KCNK5: variants seen among roughly 807,000 people sequenced by gnomAD.
KCNK5 encodes the protein potassium channel subfamily K member 5.
Under a neutral mutation model 32.9 loss-of-function variants are expected in KCNK5, and 18 were observed. The observed-to-expected ratio is 0.55, with a 90% CI of 0.38 to 0.81. KCNK5 has a LOEUF of 0.81. Ranked by LOEUF, KCNK5 falls within the 30% of genes least tolerant of loss-of-function variation. KCNK5 has a pLI of 0.00. For missense variants in KCNK5, 507 were observed against 651.0 expected (o/e 0.78, Z 2.41); for synonymous variants, 276 against 275.3 (o/e 1.00, Z -0.03).
chr6:39,229,222 C>A lies in KCNK5; in HGVS notation c.-111G>T. On this transcript the variant is annotated 5_prime_UTR_variant, in exon 1 of 5. Coordinates refer to ENST00000359534, the MANE Select transcript of KCNK5 (RefSeq NM_003740.4). ...CTGTTTGAATTTGGAGCTCCGCATG[C>A]GCAGTGCCCGGTACTCACCCCCCGC... is the stretch of plus-strand genomic sequence containing the variant. 3 of 1,098,940 alleles carry A rather than the reference C, an allele frequency of 2.7e-6. No individual in the cohort carries two copies. In the South Asian group the frequency reaches 4.5e-5, roughly 16 times the overall value. 68.1% of individuals were successfully genotyped at this position (1,098,940 alleles called of 1,614,324 possible).
chr6:39,207,106 C>A (rs184022924), intron 1 of KCNK5, among the ~76,000 whole-genome samples: 2 of 152,316 alleles, frequency 1.3e-5, no homozygotes, highest in African/African-American at 2.4e-5. Flanking sequence ...AGTTCACCCC[C>A]CTGTGCCTTT....
intron 1 of KCNK5, among the ~76,000 whole-genome samples, chr6:39,216,005 G>A (rs575355727): frequency 2.6e-5 from 4 of 152,330 alleles, no homozygotes; most frequent in South Asian, 4.1e-4. Flanking sequence ...ATATGGGGCC[G>A]GGCGTGGTGG....
chr6:39,225,255 CT>C (rs1207974320), intron 1 of KCNK5, among the ~76,000 whole-genome samples: 1 of 152,162 alleles, frequency 6.6e-6, no homozygotes, highest in Non-Finnish European at 1.5e-5. Flanking sequence ...TTAATAAATG[CT>C]TGCTAATTTC....
chr6:39,212,543 C>A (rs1424921022), intron 1 of KCNK5, among the ~76,000 whole-genome samples: 2 of 152,168 alleles, frequency 1.3e-5, no homozygotes, highest in Admixed American at 6.5e-5. Context: ...CTTGCCTGTG[C>A]TTGTGTTTTT....
Position 39,190,139 on chromosome 6 carries a change from C to G in KCNK5, c.*751G>C, listed in dbSNP as rs947484644. 1 of 152,474 alleles carries G rather than the reference C, an allele frequency of 6.6e-6. No homozygotes were observed. The highest frequency in any genetic ancestry group is 1.5e-5 in the Non-Finnish European group (1 of 68,312). The allele number at this position is 152,474 out of a possible 1,614,324, so 9.4% of individuals were successfully genotyped here. A position where few individuals can be genotyped will look rare whatever the true frequency, so the allele number is the denominator to read the frequency against. On this transcript the variant is annotated 3_prime_UTR_variant, in exon 5 of 5. Coordinates refer to ENST00000359534, the MANE Select transcript of KCNK5 (RefSeq NM_003740.4). ...ACTCTCCCTCCTACCACTTGGGGGC[C>G]CACAGAAAGCCTTGCGTCTGCCACT...
chr6:39,212,765 T>C (rs767461200), intron 1 of KCNK5, among the ~76,000 whole-genome samples: 3 of 152,178 alleles, frequency 2.0e-5, no homozygotes, highest in Non-Finnish European at 4.4e-5. Flanking sequence ...TTGGTGACTC[T>C]CTGTCCTGGT....
intron 1 of KCNK5, among the ~76,000 whole-genome samples, chr6:39,209,659 C>T (rs900955848): frequency 2.0e-5 from 3 of 152,174 alleles, no homozygotes; most frequent in Non-Finnish European, 2.9e-5. Context: ...GCAGAAGGAA[C>T]GAGGGCCATG....
At position 39,194,116 on chromosome 6, in the gene KCNK5, C is replaced by T; in HGVS notation, c.634+53G>A. 6.2e-7 allele frequency: 1 copy of T among 1,602,080 alleles called. No individual in the cohort carries two copies. The highest frequency in any genetic ancestry group is 8.6e-7 in the Non-Finnish European group (1 of 1,169,440). ...GGGCACCCCCAACATAGGTCTGTTGCACTGAAACCAAAGAAGCAGAAAAAG... is the reference window on the plus strand; with the variant it reads ...GGGCACCCCCAACATAGGTCTGTTGTACTGAAACCAAAGAAGCAGAAAAAG... On this transcript the variant is annotated intron_variant, in intron 4 of 4. Transcript: ENST00000359534. The surrounding 1 kb of genome is among the most constrained non-coding windows in gnomAD (Gnocchi z 4.7).
In KCNK5 at chr6:39,189,531, A is replaced by G. The variant is rs951081031; in HGVS notation, c.*1359T>C. 1 of 152,662 alleles carries G rather than the reference A, an allele frequency of 6.6e-6. No individual in the cohort carries two copies. Among genetic ancestry groups the G allele is most frequent in the Non-Finnish European group, 1.5e-5 (1 of 68,052 alleles). 9.5% of individuals were successfully genotyped at this position (152,662 alleles called of 1,614,324 possible). On this transcript the variant is annotated 3_prime_UTR_variant, in exon 5 of 5. Transcript: ENST00000359534. ...CTGAAGCCAACAACAGATTCCAGGT[A>G]TATAAAAACAGCAGTTTGTTTAAAA...
In KCNK5 at chr6:39,191,199, G is replaced by T. The variant is rs139909221; in HGVS notation, c.1191C>A (p.Arg397=). The change falls in exon 5 of 5, where the codon CGC becomes CGA. Residue 397 remains arginine (R), a synonymous_variant. Transcript: ENST00000359534. The surrounding 1 kb of genome is among the most constrained non-coding windows in gnomAD (Gnocchi z 5.8). ...APEVFMNQLD[R]ISEECEPWDA... is the part of the protein sequence containing the mutation. ...CCCATGGCTCGCATTCCTCGCTGAT[G>T]CGGTCCAGCTGGTTCATGAACACCT... is the stretch of plus-strand genomic sequence containing the variant. 4.2e-4 allele frequency: 682 copies of T among 1,614,210 alleles called. 5 individuals are homozygous for T. The African/African-American group carries it at 7.6e-3, about 18-fold the overall frequency.
Position 39,191,596 on chromosome 6 carries a change from T to C in KCNK5, c.794A>G (p.Glu265Gly), listed in dbSNP as rs1770938590. The stretch of plus-strand genomic sequence containing the variant: ...GGAGTGTGGGGAGCTCTCAAAGGAC[T>C]CCTTCCGTCGCCGCCGCCGCTTCTT... ...AIKKRRRRRK[E>G]SFESSPHSRK... The change falls in exon 5 of 5, where the codon GAG becomes GGG. Residue 265 changes from glutamate to glycine, a missense_variant. Coordinates refer to ENST00000359534, the MANE Select transcript of KCNK5 (RefSeq NM_003740.4). The surrounding 1 kb of genome is among the most constrained non-coding windows in gnomAD (Gnocchi z 5.8). 2.5e-6 allele frequency: 4 copies of C among 1,613,906 alleles called. No individual in the cohort carries two copies. Among genetic ancestry groups the C allele is most frequent in the African/African-American group, 1.3e-5 (1 of 74,898 alleles).
intron 1 of KCNK5, among the ~76,000 whole-genome samples, chr6:39,217,131 A>AAAAAAG (rs1173293269): frequency 2.5e-5 from 3 of 121,756 alleles, no homozygotes; most frequent in Non-Finnish European, 5.0e-5. Context: ...AAAAAAAAAA[A>AAAAAAG]AAAAAAAAAA....
At chr6:39,211,027 A>C (rs1771327728) in intron 1 of KCNK5, among the ~76,000 whole-genome samples, 1 of 152,044 alleles carries the variant, frequency 6.6e-6, no homozygotes. Context: ...TGGGCCCTAA[A>C]AAAACCTGGA....
intron 1 of KCNK5, among the ~76,000 whole-genome samples, chr6:39,219,410 A>G (rs1226250621): frequency 6.6e-6 from 1 of 152,136 alleles, no homozygotes; most frequent in Non-Finnish European, 1.5e-5. Flanking sequence ...TTTTCAGATG[A>G]TGCAATGTGC....
Position 39,190,914 on chromosome 6 carries a change from CTTG to C in KCNK5, c.1473_1475del (p.Asn491del), listed in dbSNP as rs1261798000. On this transcript the variant is annotated inframe_deletion, in exon 5 of 5. Coordinates refer to ENST00000359534, the MANE Select transcript of KCNK5 (RefSeq NM_003740.4). Reference sequence around the variant, plus strand: ...CTCATGTGCCCTTGGGGCTGTTAGCCTTGTTGTACTCATTCATCAGCTGTTCGT... The same window carrying C: ...CTCATGTGCCCTTGGGGCTGTTAGCCTTGTACTCATTCATCAGCTGTTCGT... 19 of 1,478,250 alleles carry C rather than the reference CTTG, an allele frequency of 1.3e-5. No individual in the cohort carries two copies. The highest frequency in any genetic ancestry group is 2.4e-5 in the East Asian group (1 of 41,572). 91.6% of individuals were successfully genotyped at this position (1,478,250 alleles called of 1,614,324 possible).
chr6:39,203,357 G>A (rs1057421438), intron 1 of KCNK5, among the ~76,000 whole-genome samples: 2 of 152,224 alleles, frequency 1.3e-5, no homozygotes, highest in African/African-American at 4.8e-5. Flanking sequence ...AGGGGCAGAG[G>A]GAAACGGGCA....
chr6:39,191,154 T>G lies in KCNK5; in HGVS notation c.1236A>C (p.Pro412=). 1 of 1,614,046 alleles carries G rather than the reference T, an allele frequency of 6.2e-7. No homozygotes were observed. The highest frequency in any genetic ancestry group is 8.5e-7 in the Non-Finnish European group (1 of 1,180,008). The change falls in exon 5 of 5, where the codon CCA becomes CCC. Residue 412 remains proline (P), a synonymous_variant. Transcript: ENST00000359534. The surrounding 1 kb of genome is among the most constrained non-coding windows in gnomAD (Gnocchi z 5.8). ...CEPWDAQDYH[P]LIFQDASITF... Reference sequence around the variant, plus strand: ...TGATGCTGGCGTCCTGGAAGATGAGTGGGTGGTAGTCCTGGGCGTCCCATG... The same window carrying G: ...TGATGCTGGCGTCCTGGAAGATGAGGGGGTGGTAGTCCTGGGCGTCCCATG...
chr6:39,217,357 T>C (rs1408712393), intron 1 of KCNK5, among the ~76,000 whole-genome samples: 2 of 152,006 alleles, frequency 1.3e-5, no homozygotes. Context: ...AAGGAGGAGA[T>C]GCTGGCGGGT....
intron 4 of KCNK5, among the ~76,000 whole-genome samples, chr6:39,192,880 G>C (rs1431851123): frequency 6.6e-6 from 1 of 152,160 alleles, no homozygotes; most frequent in South Asian, 2.1e-4. Flanking sequence ...TGGAGGAAGG[G>C]GGCTACCTCT....
Sources: allele counts gnomAD v4.1 joint callset (sites outside exome capture counted in the v4.1 genomes callset), GRCh38; gene constraint gnomAD v4.1.1; non-coding constraint Gnocchi (gnomAD v3.1); transcripts MANE v1.5; gene names NCBI Gene and HGNC (gene_info 2026-07-23, HGNC 2026-07-21).